Variants in SCLT1 observed in about 807,000 individuals in gnomAD.
SCLT1 encodes sodium channel and clathrin linker 1.
SCLT1 carries 78 observed loss-of-function variants against 112.8 expected under a neutral mutation model. That is an observed-to-expected ratio of 0.69 (90% confidence interval 0.58 to 0.83). SCLT1 has a LOEUF of 0.83. Ranked by LOEUF, SCLT1 falls within the 40% of genes least tolerant of loss-of-function variation. The pLI is 0.00. For missense variants in SCLT1, 747 were observed against 770.4 expected (o/e 0.97, Z 0.36); for synonymous variants, 257 against 254.7 (o/e 1.01, Z -0.09).
rs368789135 is a variant in SCLT1 at position 129,028,336 on chromosome 4, T to C, written c.290+10705A>G. Among the ~76,000 whole-genome samples the C allele has an allele frequency of 8.5e-5, 13 of 152,118 alleles. No homozygotes were observed. The East Asian group carries it at 1.5e-3, about 18-fold the overall frequency. On this transcript the variant is annotated intron_variant, in intron 5 of 20. Transcript: ENST00000281142. The stretch of plus-strand genomic sequence containing the variant: ...ACTGGTACCAAAACAGAGATATAGA[T>C]CAATGGAACAGAACAGAGCCCTCAG...
chr4:128,893,726 A>G (rs2125926141), intron 18 of SCLT1, among the ~76,000 whole-genome samples: 1 of 152,114 alleles, frequency 6.6e-6, no homozygotes, highest in Non-Finnish European at 1.5e-5. Context: ...TATTTTTAGT[A>G]GAGATGAGGT....
rs536525122 is a variant in SCLT1, at chr4:128,898,678, C to G, written c.1830-7541G>C. ...TGGCAAGAAATAACTAAGATCAGAG[C>G]AGAAGTGAAGGAAATAGAGACACAA... On this transcript the variant is annotated intron_variant, in intron 18 of 20. Transcript: ENST00000281142. 2.6e-5 allele frequency among the ~76,000 whole-genome samples: 4 copies of G among 152,228 alleles called. No individual in the cohort carries two copies. The South Asian group carries it at 6.2e-4, about 24-fold the overall frequency.
chr4:129,053,193 A>T (rs1265101826), intron 2 of SCLT1, among the ~76,000 whole-genome samples: 1 of 152,148 alleles, frequency 6.6e-6, no homozygotes, highest in Admixed American at 6.6e-5. Context: ...GCTGAGAATA[A>T]CATATATTCT....
chr4:128,890,090 A>G (rs1015480146), intron 19 of SCLT1, among the ~76,000 whole-genome samples: 18 of 152,220 alleles, frequency 1.2e-4, no homozygotes, highest in Non-Finnish European at 2.1e-4. Flanking sequence ...GAAGCACATC[A>G]TATGCTAGAG....
chr4:129,044,516 TC>T (rs1444156959), intron 2 of SCLT1, among the ~76,000 whole-genome samples: 1 of 151,428 alleles, frequency 6.6e-6, no homozygotes, highest in African/African-American at 2.4e-5. Context: ...GAAAATGTAA[TC>T]AAAAAAAATC....
chr4:128,908,998 G>A (rs140627110), intron 18 of SCLT1, among the ~76,000 whole-genome samples: 5 of 152,234 alleles, frequency 3.3e-5, no homozygotes, highest in Non-Finnish European at 4.4e-5. Context: ...AATAAACTGC[G>A]TAGATCTGAC....
intron 18 of SCLT1, among the ~76,000 whole-genome samples, chr4:128,898,207 C>A (rs1202750254): frequency 1.3e-5 from 2 of 152,216 alleles, no homozygotes; most frequent in Non-Finnish European, 2.9e-5. Flanking sequence ...CACCCCAAAT[C>A]AACAGAATAT....
At chr4:128,973,675 T>C (rs540158378) in intron 9 of SCLT1, among the ~76,000 whole-genome samples, 2 of 152,262 alleles carry the variant, frequency 1.3e-5, no homozygotes, top group African/African-American at 4.8e-5. Flanking sequence ...TCATATTCCT[T>C]TGAAATGAAA....
intron 2 of SCLT1, among the ~76,000 whole-genome samples, chr4:129,062,411 A>T (rs530837283): frequency 1.3e-5 from 2 of 152,264 alleles, no homozygotes; most frequent in South Asian, 4.1e-4. Flanking sequence ...TAACCTTTGT[A>T]GAAGAGGTAA....
chr4:128,971,363 T>C (rs1560910228), intron 9 of SCLT1: 1 of 152,178 alleles, frequency 6.6e-6, no homozygotes, highest in Non-Finnish European at 1.5e-5. Context: ...TTTTGACTCT[T>C]TGTCTTTAAA....
intron 4 of SCLT1, among the ~76,000 whole-genome samples, chr4:129,042,626 A>G (rs17416957): frequency 0.013 from 2,007 of 152,338 alleles, 22 homozygotes; most frequent in Non-Finnish European, 0.023. Context: ...GAAACACTGA[A>G]TTAAAAGACA....
chr4:129,008,222 C>A (rs66737416), intron 5 of SCLT1, among the ~76,000 whole-genome samples: 2 of 152,082 alleles, frequency 1.3e-5, no homozygotes, highest in African/African-American at 4.8e-5. Context: ...ATTCTGTCAA[C>A]GGTAATTTTC....
chr4:129,059,073 T>C (rs1185243101), intron 2 of SCLT1, among the ~76,000 whole-genome samples: 3 of 152,330 alleles, frequency 2.0e-5, no homozygotes, highest in Admixed American at 6.5e-5. Context: ...TTAATGTCTG[T>C]ATTATCTCAT....
chr4:128,877,930 C>T (rs1228822783), intron 3 of SCLT1, among the ~76,000 whole-genome samples: 1 of 152,116 alleles, frequency 6.6e-6, no homozygotes, highest in African/African-American at 2.4e-5. Flanking sequence ...ATGTAACACA[C>T]ATACATACAA....
intron 5 of SCLT1, chr4:128,874,412 T>C (rs879540820): frequency 2.0e-5 from 3 of 152,486 alleles, no homozygotes; most frequent in Non-Finnish European, 4.4e-5. Context: ...AATAATGCCT[T>C]ACCTGTTTTT....
In SCLT1 at chr4:129,093,222, C is replaced by A. The variant is rs1753015478; in HGVS notation, c.-119G>T. ...CTCGGTTGGTTGTCAAGCGCTCCAG[C>A]GGTGCAATCTGCATCCTACTCACGC... On this transcript the variant is annotated 5_prime_UTR_variant, in exon 1 of 21. Coordinates refer to ENST00000281142, the MANE Select transcript of SCLT1 (RefSeq NM_144643.4). 2 of 892,300 alleles carry A rather than the reference C, an allele frequency of 2.2e-6. No individual in the cohort carries two copies. The highest frequency in any genetic ancestry group is 3.7e-6 in the Non-Finnish European group (2 of 535,314). The allele number at this position is 892,300 out of a possible 1,614,324, so 55.3% of individuals were successfully genotyped here.
intron 5 of SCLT1, among the ~76,000 whole-genome samples, chr4:129,025,411 A>C (rs1745957077): frequency 6.6e-6 from 1 of 152,352 alleles, no homozygotes; most frequent in East Asian, 1.9e-4. Flanking sequence ...TCTTAAAGAA[A>C]AGAATTTTCA....
intron 5 of SCLT1, among the ~76,000 whole-genome samples, chr4:129,035,872 C>A: frequency 6.6e-6 from 1 of 151,554 alleles, no homozygotes; most frequent in African/African-American, 2.4e-5. Flanking sequence ...TTTCCTCAGT[C>A]TGAGTTTTAT....
chr4:129,042,559 A>G (rs1747791899), intron 4 of SCLT1, among the ~76,000 whole-genome samples: 1 of 152,186 alleles, frequency 6.6e-6, no homozygotes, highest in African/African-American at 2.4e-5. Context: ...CAATAATGAG[A>G]TTAAGAGATT....
Sources: gnomAD v4.1 joint callset for allele counts (sites outside exome capture counted in the v4.1 genomes callset) on GRCh38, gnomAD v4.1.1 for gene constraint, MANE v1.5 for transcripts, NCBI Gene and HGNC (gene_info 2026-07-23, HGNC 2026-07-21) for gene names.